Variants in IFNL3 observed in about 807,000 individuals in gnomAD.
IFNL3 encodes the protein interferon lambda-3.
In IFNL3, 16 loss-of-function variants were observed where a neutral mutation model predicts 16.3. The observed-to-expected ratio is 0.98, with a 90% CI of 0.67 to 1.50. IFNL3 has a LOEUF of 1.50. Among genes scored for constraint, IFNL3 ranks in the 40% most tolerant of loss-of-function variants. The probability of loss-of-function intolerance (pLI) is 0.00; values close to 1 mark genes in which losing one functional copy is unlikely to be tolerated. For missense variants in IFNL3, 254 were observed against 253.5 expected (o/e 1.00, Z -0.01); for synonymous variants, 115 against 115.3 (o/e 1.00, Z 0.02).
intron 1 of IFNL3, 114 bp from the exon 2 acceptor site, chr19:39,244,608 G>A: frequency 7.2e-7 from 1 of 1,384,490 alleles, no homozygotes; most frequent in Non-Finnish European, 9.9e-7. Flanking sequence ...CTGGGAGGAT[G>A]GTAGAGGACC....
chr19:39,243,773 G>T (rs2074926533), intron 4 of IFNL3, 43 bp from the exon 5 acceptor site: 2 of 1,612,682 alleles, frequency 1.2e-6, no homozygotes, highest in South Asian at 2.2e-5. Context: ...CTGGGTTCTG[G>T]GCTCCCAGTG....
At chr19:39,244,272 T>C (rs2074931717) in intron 2 of IFNL3, 115 bp from the exon 3 acceptor site, 2 of 1,508,358 alleles carry the variant, frequency 1.3e-6, no homozygotes, top group East Asian at 2.3e-5. Context: ...GCACAGCCAG[T>C]GTGGTCAGGT....
At chr19:39,243,953 G>C (rs1406050006) in intron 3 of IFNL3, 46 bp from the exon 4 acceptor site, 1 of 1,611,784 alleles carries the variant, frequency 6.2e-7, no homozygotes, top group Admixed American at 1.7e-5. Flanking sequence ...CTTGGCCAGG[G>C]GAAGGACGCT....
rs144507168 is a variant in IFNL3 at position 39,244,281 on chromosome 19, G to A, written c.259-124C>T. On this transcript the variant is annotated intron_variant, in intron 2 of 4. Coordinates refer to ENST00000413851, the MANE Select transcript of IFNL3 (RefSeq NM_172139.4). ...GAGAGGGCACAGCCAGTGTGGTCAG[G>A]TAGGAGCAGAGGGAAGGGGTAGCAG... 1,035 of 1,505,970 alleles carry A rather than the reference G, an allele frequency of 6.9e-4. 1 individual carries two copies. Among genetic ancestry groups the A allele is most frequent in the Non-Finnish European group, 8.8e-4 (970 of 1,107,104 alleles). The allele number at this position is 1,505,970 out of a possible 1,614,324, so 93.3% of individuals were successfully genotyped here.
rs745678059 is a variant in IFNL3 at position 39,243,680 on chromosome 19, G to A, written c.543C>T (p.Leu181=). ...EASVTFNLFR[L]LTRDLNCVAS... is the part of the protein sequence containing the mutation. ...CAACACAATTCAGGTCTCGCGTGAG[G>A]AGGCGGAAGAGGTTGAAGGTGACAG... is the stretch of plus-strand genomic sequence containing the variant. Residue 181 remains leucine, a synonymous_variant, in exon 5 of 5, where the codon CTC becomes CTT. Coordinates refer to ENST00000413851, the MANE Select transcript of IFNL3 (RefSeq NM_172139.4). 1.9e-6 allele frequency: 3 copies of A among 1,607,904 alleles called. No individual in the cohort carries two copies. Among genetic ancestry groups the A allele is most frequent in the African/African-American group, 1.3e-5 (1 of 74,892 alleles).
At chr19:39,244,358 C>G in intron 2 of IFNL3, 59 bp downstream of exon 2, 1 of 1,575,464 alleles carries the variant, frequency 6.3e-7, no homozygotes, top group Non-Finnish European at 8.7e-7. Context: ...GAAGGGGCCA[C>G]TACAGAGCCA....
Position 39,243,875 on chromosome 19 carries a change from G to T in IFNL3, c.441C>A (p.Thr147=). Reference sequence around the variant, plus strand: ...GCAGCCAATGGTGGAGGCGGCCCCGGGTCCTGGGCCCTGCCGTGGGCTGAG... The same window carrying T: ...GCAGCCAATGGTGGAGGCGGCCCCGTGTCCTGGGCCCTGCCGTGGGCTGAG... ...IQPQPTAGPR[T]RGRLHHWLHR... is the part of the protein sequence containing the mutation. The change falls in exon 4 of 5, where the codon ACC becomes ACA. Residue 147 remains threonine, a synonymous_variant. Transcript: ENST00000413851. 6.2e-7 allele frequency: 1 copy of T among 1,613,762 alleles called. No individual in the cohort carries two copies. The highest frequency in any genetic ancestry group is 1.3e-5 in the African/African-American group (1 of 75,066).
chr19:39,243,988 C>T lies in IFNL3; in HGVS notation c.408+20G>A. The stretch of plus-strand genomic sequence containing the variant: ...TGCTCAGAGCTCACAGACCTGGGTG[C>T]CCGGGCCCTGACGACTCACACAGGC... On this transcript the variant is annotated intron_variant, in intron 3 of 4. Coordinates refer to ENST00000413851, the MANE Select transcript of IFNL3 (RefSeq NM_172139.4). 6.2e-7 allele frequency: 1 copy of T among 1,612,390 alleles called. No homozygotes were observed. Among genetic ancestry groups the T allele is most frequent in the Non-Finnish European group, 8.5e-7 (1 of 1,178,712 alleles).
rs11881222 is a variant in IFNL3 at position 39,244,283 on chromosome 19, A to G, written c.259-126T>C. The G allele has an allele frequency of 0.28, 415,585 of 1,480,780 alleles. 59,929 individuals carry two copies. The highest frequency in any genetic ancestry group is 0.37 in the Admixed American group (19,011 of 50,950). 91.7% of individuals were successfully genotyped at this position (1,480,780 alleles called of 1,614,324 possible). On this transcript the variant is annotated intron_variant, in intron 2 of 4. Transcript: ENST00000413851. ...GAGGGCACAGCCAGTGTGGTCAGGT[A>G]GGAGCAGAGGGAAGGGGTAGCAGGT...
chr19:39,244,891 C>A lies in IFNL3; in HGVS notation c.77G>T (p.Arg26Met), dbSNP rs373577185. 4 of 1,614,010 alleles carry A rather than the reference C, an allele frequency of 2.5e-6. No individual in the cohort carries two copies. Among genetic ancestry groups the A allele is most frequent in the Non-Finnish European group, 2.5e-6 (3 of 1,179,874 alleles). The change falls in exon 1 of 5, where the codon AGG (arginine) becomes ATG (methionine). Residue 26 changes from arginine to methionine, a missense_variant. Coordinates refer to ENST00000413851, the MANE Select transcript of IFNL3 (RefSeq NM_172139.4). ...TGCATCCGGGAGAGCCCCGCGGAGCCTGGCGACAGGAACTGCTCCAGTCAC... is the reference window on the plus strand; with the variant it reads ...TGCATCCGGGAGAGCCCCGCGGAGCATGGCGACAGGAACTGCTCCAGTCAC... Reference protein sequence around the residue: ...LTVTGAVPVARLRGALPDARG... With the variant: ...LTVTGAVPVAMLRGALPDARG...
In IFNL3 at chr19:39,244,159, T is replaced by C. The variant is rs750747183; in HGVS notation, c.259-2A>G. On this transcript the variant is annotated splice_acceptor_variant, in intron 2 of 4. Transcript: ENST00000413851. LOFTEE classifies it high-confidence loss of function. ...CAAAGCCACGGGGCGCTCCCTCACC[T>C]GAGGAGAGGTGAGAAAGAGCAGGTG... The C allele has an allele frequency of 3.1e-6, 5 of 1,613,578 alleles. No individual in the cohort carries two copies. In the Admixed American group the frequency reaches 8.3e-5, roughly 27 times the overall value.
upstream of IFNL3, chr19:39,245,082 G>C: frequency 6.2e-7 from 1 of 1,607,032 alleles, no homozygotes; most frequent in Admixed American, 1.7e-5. Context: ...TTTCATTCCT[G>C]ATCTCTGGTC....
At position 39,244,635 on chromosome 19, in the gene IFNL3, C is replaced by T. The variant is rs138031714; in HGVS notation, c.181-141G>A. 1,900 of 1,372,460 alleles carry T rather than the reference C, an allele frequency of 1.4e-3. 26 individuals carry two copies. The African/African-American group carries it at 0.024, about 17-fold the overall frequency. The allele number at this position is 1,372,460 out of a possible 1,614,324, so 85.0% of individuals were successfully genotyped here. A position where few individuals can be genotyped will look rare whatever the true frequency, so the allele number is the denominator to read the frequency against. ...TAGAGGACCCTCTTCTTCAGGAAAA[C>T]ATGAGTCAGTCCCTGCAGTAGGAGC... is the stretch of plus-strand genomic sequence containing the variant. On this transcript the variant is annotated intron_variant, in intron 1 of 4. Transcript: ENST00000413851.
chr19:39,244,487 G>A lies in IFNL3; in HGVS notation c.188C>T (p.Ser63Leu), dbSNP rs140585624. ...GCACTTGCAGTCCTTCAGCAGAAGC[G>A]ACTCTTCCTAGACAGCAAAGGCACA... ...FKRAKDALEE[S>L]LLLKDCKCRS... is the part of the protein sequence containing the mutation. The change falls in exon 2 of 5, where the codon TCG (serine) becomes TTG (leucine). Residue 63 changes from serine (S) to leucine (L), a missense_variant. Coordinates refer to ENST00000413851, the MANE Select transcript of IFNL3 (RefSeq NM_172139.4). 1.7e-4 allele frequency: 275 copies of A among 1,610,272 alleles called. No homozygotes were observed. The African/African-American group carries it at 3.2e-3, about 19-fold the overall frequency.
At chr19:39,244,247 G>C (rs2074931561) in intron 2 of IFNL3, 90 bp from the exon 3 acceptor site, 18 of 1,562,440 alleles carry the variant, frequency 1.2e-5, no homozygotes, top group Non-Finnish European at 1.6e-5. Context: ...GAAGGTGACA[G>C]GCACAGGGGA....
In IFNL3 at chr19:39,243,812, C is replaced by T. The variant is rs761998404; in HGVS notation, c.492+12G>A. 1.7e-5 allele frequency: 27 copies of T among 1,613,640 alleles called. No individual in the cohort carries two copies. Among genetic ancestry groups the T allele is most frequent in the East Asian group, 2.2e-5 (1 of 44,892 alleles). ...CCCCAGACCTCAGTCCCTCTCTTCCCGGGTCACTCACCTTTTTTGGGGCCT... is the reference window on the plus strand; with the variant it reads ...CCCCAGACCTCAGTCCCTCTCTTCCTGGGTCACTCACCTTTTTTGGGGCCT... On this transcript the variant is annotated intron_variant, in intron 4 of 4. Coordinates refer to ENST00000413851, the MANE Select transcript of IFNL3 (RefSeq NM_172139.4).
intron 2 of IFNL3, 69 bp from the exon 3 acceptor site, chr19:39,244,226 G>A: frequency 6.3e-7 from 1 of 1,592,698 alleles, no homozygotes; most frequent in Non-Finnish European, 8.6e-7. Flanking sequence ...GGAGGATAGA[G>A]AGGAACAAGT....
At chr19:39,244,701 T>G in intron 1 of IFNL3, 87 bp downstream of exon 1, 1 of 1,512,708 alleles carries the variant, frequency 6.6e-7, no homozygotes, top group Non-Finnish European at 8.9e-7. Flanking sequence ...GCTAGCCCAG[T>G]GAAGGAAGCT....
Position 39,244,938 on chromosome 19 carries a change from C to G in IFNL3, c.30G>C (p.Val10=). Residue 10 remains valine, a synonymous_variant, in exon 1 of 5, where the codon GTG becomes GTC. Transcript: ENST00000413851. The part of the protein sequence containing the change: MTGDCMPVL[V]LMAAVLTVTG... ...TCACGGTCAGCACTGCGGCCATCAG[C>G]ACCAGCACTGGCATGCAGTCCCCGG... is the stretch of plus-strand genomic sequence containing the variant. 3 of 1,613,984 alleles carry G rather than the reference C, an allele frequency of 1.9e-6. No homozygotes were observed. Among genetic ancestry groups the G allele is most frequent in the Non-Finnish European group, 2.5e-6 (3 of 1,179,872 alleles).
Sources: gnomAD v4.1 joint callset for allele counts on GRCh38, gnomAD v4.1.1 for gene constraint, MANE v1.5 for transcripts, NCBI Gene and HGNC (gene_info 2026-07-23, HGNC 2026-07-21) for gene names.